The following SLC13A5 variants were observed in gnomAD, a reference collection of about 807,000 sequenced individuals.
The protein encoded by SLC13A5 is solute carrier family 13 member 5, also known as Na(+)/citrate cotransporter.
A neutral mutation model predicts 56.5 loss-of-function variants in SLC13A5; 25 were observed. The ratio of observed to expected loss-of-function variants is 0.44; its 90% confidence interval spans 0.32 to 0.62. SLC13A5 has a LOEUF of 0.62. SLC13A5 is among the 20% of genes least tolerant of loss of function. SLC13A5 has a pLI of 0.04. For missense variants in SLC13A5, 649 were observed against 737.8 expected (o/e 0.88, Z 1.39); for synonymous variants, 307 against 301.5 (o/e 1.02, Z -0.19).
intron 7 of SLC13A5, 35 bp downstream of exon 7, chr17:6,695,691 C>A (rs1488247358): frequency 6.2e-7 from 1 of 1,610,810 alleles, no homozygotes; most frequent in Admixed American, 1.7e-5. Context: ...GCGCCTGGCC[C>A]TAAGCCAGCG....
intron 3 of SLC13A5, chr17:6,705,514 C>A (rs753453277): frequency 1.3e-5 from 2 of 152,162 alleles, no homozygotes; most frequent in Non-Finnish European, 2.9e-5. Context: ...TTCCTGGGGT[C>A]TCTCATTTCT....
At chr17:6,706,587 T>G (rs1475238574) in intron 3 of SLC13A5, 55 bp downstream of exon 3, 1 of 1,592,212 alleles carries the variant, frequency 6.3e-7, no homozygotes, top group Non-Finnish European at 8.6e-7. Flanking sequence ...TCCACCCCCT[T>G]CCAGCCCTGG....
At chr17:6,695,354 C>CTAGT (rs1973531706) in intron 7 of SLC13A5, 1 of 173,082 alleles carries the variant, frequency 5.8e-6, no homozygotes, top group Non-Finnish European at 1.2e-5. Context: ...CCGAGACCAG[C>CTAGT]AGCATTTAGG....
At chr17:6,688,012 C>T in intron 10 of SLC13A5, 1 of 177,716 alleles carries the variant, frequency 5.6e-6, no homozygotes, top group Non-Finnish European at 1.2e-5. Flanking sequence ...ACTGAGAGAG[C>T]CTAGAGGCCA....
intron 6 of SLC13A5, among the ~76,000 whole-genome samples, chr17:6,698,230 C>T (rs1384624181): frequency 6.6e-6 from 1 of 152,254 alleles, no homozygotes; most frequent in Admixed American, 6.5e-5. Flanking sequence ...GACTGGACTG[C>T]AGCCACGCAC....
intron 3 of SLC13A5, chr17:6,704,411 A>C: frequency 2.5e-6 from 1 of 407,730 alleles, no homozygotes; most frequent in Non-Finnish European, 4.9e-6. Flanking sequence ...TGCCAACTCA[A>C]TATGAGCTTG....
intron 1 of SLC13A5, among the ~76,000 whole-genome samples, chr17:6,708,192 A>T (rs1973923123): frequency 6.6e-6 from 1 of 152,100 alleles, no homozygotes; most frequent in Non-Finnish European, 1.5e-5. Flanking sequence ...CTGATCTCGA[A>T]CTCCTGACCT....
intron 6 of SLC13A5, among the ~76,000 whole-genome samples, chr17:6,696,409 C>A (rs1597663889): frequency 6.6e-6 from 1 of 152,114 alleles, no homozygotes; most frequent in African/African-American, 2.4e-5. Context: ...TAGTCAGGGG[C>A]AGAATGGGTC....
chr17:6,690,972 C>T (rs116929585), intron 9 of SLC13A5, 32 bp from the exon 10 acceptor site: 35,274 of 1,572,368 alleles, frequency 0.022, 453 homozygotes, highest in Non-Finnish European at 0.027. Flanking sequence ...GTCATCTCAG[C>T]GCTCCCAGCT....
intron 10 of SLC13A5, among the ~76,000 whole-genome samples, chr17:6,690,490 G>A (rs1157993067): frequency 1.3e-5 from 2 of 152,148 alleles, no homozygotes; most frequent in Non-Finnish European, 2.9e-5. Context: ...CCCAAGTCCT[G>A]TCTCCCCAGC....
chr17:6,703,721 C>T (rs562841763), intron 4 of SLC13A5, among the ~76,000 whole-genome samples, 157 bp downstream of exon 4: 2 of 152,290 alleles, frequency 1.3e-5, no homozygotes, highest in African/African-American at 4.8e-5. Context: ...CCTCCTAAAA[C>T]TTAGGACAAC....
At chr17:6,707,976 TTG>T (rs201736277) in intron 1 of SLC13A5, among the ~76,000 whole-genome samples, 20,515 of 130,352 alleles carry the variant, frequency 0.16, 1,487 homozygotes, top group Admixed American at 0.26. Flanking sequence ...TCAGTATTTT[TTG>T]TGTGTGTGTG....
At chr17:6,686,744 T>G in intron 11 of SLC13A5, 1 of 188,846 alleles carries the variant, frequency 5.3e-6, no homozygotes, top group South Asian at 1.2e-4. Context: ...TTCTGATGCC[T>G]GCTCTGCAAG....
chr17:6,709,869 T>C (rs1378994357), intron 1 of SLC13A5, among the ~76,000 whole-genome samples: 1 of 152,174 alleles, frequency 6.6e-6, no homozygotes, highest in African/African-American at 2.4e-5. Context: ...TGATGCTTTG[T>C]TGTGGGAGCT....
At position 6,687,376 on chromosome 17, in the gene SLC13A5, T is replaced by C; in HGVS notation, c.1575+153A>G. ...TCTCAGAAAAAGAAGAAAAGCTGCATTATAAATGTCAACAATGGCTACAGG... is the reference window on the plus strand; with the variant it reads ...TCTCAGAAAAAGAAGAAAAGCTGCACTATAAATGTCAACAATGGCTACAGG... On this transcript the variant is annotated intron_variant, in intron 11 of 11. Transcript: ENST00000433363. This position sits in a 1 kb window ranked among gnomAD's most constrained non-coding sequence, Gnocchi z 5.0. 9.8e-7 allele frequency: 1 copy of C among 1,018,662 alleles called. No homozygotes were observed. The highest frequency in any genetic ancestry group is 1.5e-5 in the South Asian group (1 of 67,876). The allele number at this position is 1,018,662 out of a possible 1,614,324, so 63.1% of individuals were successfully genotyped here. A position where few individuals can be genotyped will look rare whatever the true frequency, so the allele number is the denominator to read the frequency against.
chr17:6,708,900 C>G (rs1368435780), intron 1 of SLC13A5, among the ~76,000 whole-genome samples: 1 of 152,184 alleles, frequency 6.6e-6, no homozygotes, highest in Admixed American at 6.5e-5. Flanking sequence ...CAAAGAAAAG[C>G]CATGTGGACA....
intron 6 of SLC13A5, among the ~76,000 whole-genome samples, chr17:6,696,302 C>G (rs987709746): frequency 1.3e-5 from 2 of 152,222 alleles, no homozygotes; most frequent in Admixed American, 6.5e-5. Flanking sequence ...TCCACCTCAG[C>G]CTGGAGCTGC....
chr17:6,686,259 A>T lies in SLC13A5; in HGVS notation c.1655T>A (p.Phe552Tyr). Residue 552 changes from phenylalanine to tyrosine, a missense_variant, in exon 12 of 12, where the codon TTT becomes TAT. Phe to Tyr is a conservative substitution (Grantham distance 22). Transcript: ENST00000433363. ...LAVNTWGRAI[F>Y]DLDHFPDWAN... ...CCAGTCAGGGAAATGATCCAAGTCA[A>T]ATATGGCCCGTCCCCAGGTGTTGAC... 6.2e-7 allele frequency: 1 copy of T among 1,614,174 alleles called. No homozygotes were observed. Among genetic ancestry groups the T allele is most frequent in the Non-Finnish European group, 8.5e-7 (1 of 1,180,026 alleles).
Position 6,704,065 on chromosome 17 carries a change from G to A in SLC13A5, c.369-9C>T. On this transcript the variant is annotated splice_polypyrimidine_tract_variant and intron_variant, in intron 3 of 11. Coordinates refer to ENST00000433363, the MANE Select transcript of SLC13A5 (RefSeq NM_177550.5). Reference sequence around the variant, plus strand: ...TGAAGCCCAGCATCAGCCTGCAGAGGAGGGGCAGGGAGGAAAGCCAGAGAA... The same window carrying A: ...TGAAGCCCAGCATCAGCCTGCAGAGAAGGGGCAGGGAGGAAAGCCAGAGAA... 6.2e-7 allele frequency: 1 copy of A among 1,606,098 alleles called. No homozygotes were observed. The highest frequency in any genetic ancestry group is 1.1e-5 in the South Asian group (1 of 90,084).
Sources: gnomAD v4.1 joint callset for allele counts (sites outside exome capture counted in the v4.1 genomes callset) on GRCh38, gnomAD v4.1.1 for gene constraint, Gnocchi (gnomAD v3.1) non-coding constraint, MANE v1.5 for transcripts, NCBI Gene and HGNC (gene_info 2026-07-23, HGNC 2026-07-21) for gene names.